The following TMED10 variants were observed in gnomAD, a reference collection of about 807,000 sequenced individuals.
TMED10 encodes the protein transmembrane emp24 domain-containing protein 10.
A neutral mutation model predicts 23.1 loss-of-function variants in TMED10; 7 were observed. The ratio of observed to expected loss-of-function variants is 0.30; its 90% CI spans 0.17 to 0.57. The LOEUF (loss-of-function observed/expected upper bound fraction) is 0.57, where lower values mean the gene tolerates loss of function less well. Ranked by LOEUF, TMED10 falls within the 20% of genes least tolerant of loss-of-function variation. The probability of loss-of-function intolerance (pLI) is 0.91; values close to 1 mark genes in which losing one functional copy is unlikely to be tolerated. For synonymous variants in TMED10, 113 were observed against 106.9 expected, an observed-to-expected ratio of 1.06 and a Z score of -0.35; for missense variants, 162 against 274.8, an observed-to-expected ratio of 0.59 and a Z score of 2.90.
chr14:75,164,577 AT>A lies in TMED10; in HGVS notation c.225+11777del, dbSNP rs60845992. The stretch of plus-strand genomic sequence containing the variant: ...TATATATATATATATATATATATAT[AT>A]TTTTTTTTTTTTTTTTGTATTTTTA... On this transcript the variant is annotated intron_variant, in intron 1 of 4. Transcript: ENST00000303575. 6.4e-4 allele frequency among the ~76,000 whole-genome samples: 29 copies of A among 45,084 alleles called. 1 individual carries two copies. Among genetic ancestry groups the A allele is most frequent in the African/African-American group, 4.3e-3 (20 of 4,598 alleles). The allele number at this position is 45,084 out of a possible 152,430, so 29.6% of individuals were successfully genotyped here. A position where few individuals can be genotyped will look rare whatever the true frequency, so the allele number is the denominator to read the frequency against.
At chr14:75,146,915 A>ATAGATAGG (rs1420517886) in intron 3 of TMED10, among the ~76,000 whole-genome samples, 1 of 151,786 alleles carries the variant, frequency 6.6e-6, no homozygotes, top group Admixed American at 6.6e-5. Flanking sequence ...CCCCAGATAG[A>ATAGATAGG]TAGATAGATA....
Position 75,132,388 on chromosome 14 carries a change from C to G in TMED10, c.*2497G>C, listed in dbSNP as rs1384932342. 3.4e-5 allele frequency: 4 copies of G among 116,142 alleles called. No individual in the cohort carries two copies. Among genetic ancestry groups the G allele is most frequent in the Non-Finnish European group, 5.7e-5 (3 of 52,308 alleles). 7.2% of individuals were successfully genotyped at this position (116,142 alleles called of 1,614,324 possible). A position where few individuals can be genotyped will look rare whatever the true frequency, so the allele number is the denominator to read the frequency against. ...GGGCGTTGCAGCAAGACTCCGTCCC[C>G]CCCCCCCCAAAAAAAAAAAAGTTTA... On this transcript the variant is annotated 3_prime_UTR_variant, in exon 5 of 5. Transcript: ENST00000303575.
At position 75,138,812 on chromosome 14, in the gene TMED10, C is replaced by CTTTT. The variant is rs59707221; in HGVS notation, c.412-2930_412-2927dup. On this transcript the variant is annotated intron_variant, in intron 3 of 4. Transcript: ENST00000303575. The stretch of plus-strand genomic sequence containing the variant: ...CTACTGAATCCCACAGCCTTTGCTT[C>CTTTT]TTTTTTTTTTTTTTTTTTTTATTTT... 2.6e-3 allele frequency among the ~76,000 whole-genome samples: 245 copies of CTTTT among 94,944 alleles called. 1 individual carries two copies. The highest frequency in any genetic ancestry group is 3.3e-3 in the African/African-American group (91 of 27,608). 62.3% of individuals were successfully genotyped at this position (94,944 alleles called of 152,430 possible). A position where few individuals can be genotyped will look rare whatever the true frequency, so the allele number is the denominator to read the frequency against.
At chr14:75,172,191 G>C (rs1896242353) in intron 1 of TMED10, among the ~76,000 whole-genome samples, 1 of 152,184 alleles carries the variant, frequency 6.6e-6, no homozygotes, top group South Asian at 2.1e-4. Flanking sequence ...AAGGAGGTGA[G>C]AGGAAGAGGA....
intron 1 of TMED10, chr14:75,176,008 C>T: frequency 3.0e-6 from 1 of 332,336 alleles, no homozygotes; most frequent in South Asian, 3.0e-5. Flanking sequence ...GATGCCAATC[C>T]GTATAAATAT....
chr14:75,152,739 A>T (rs944399183), intron 1 of TMED10, among the ~76,000 whole-genome samples: 8 of 152,314 alleles, frequency 5.3e-5, no homozygotes, highest in Non-Finnish European at 1.0e-4. Flanking sequence ...CAGGAAACAA[A>T]AAAGAAGTTT....
At chr14:75,167,897 G>C (rs914062981) in intron 1 of TMED10, among the ~76,000 whole-genome samples, 1 of 152,112 alleles carries the variant, frequency 6.6e-6, no homozygotes. Flanking sequence ...TGAAGTAATG[G>C]AGGAAACTTC....
intron 1 of TMED10, among the ~76,000 whole-genome samples, chr14:75,160,314 G>A (rs1896070928): frequency 6.6e-6 from 1 of 152,074 alleles, no homozygotes; most frequent in South Asian, 2.1e-4. Flanking sequence ...ACATAAACCA[G>A]GTAGCTAAAA....
chr14:75,172,857 A>T (rs1896251245), intron 1 of TMED10, among the ~76,000 whole-genome samples: 1 of 152,210 alleles, frequency 6.6e-6, no homozygotes, highest in Non-Finnish European at 1.5e-5. Flanking sequence ...ACTGAAAACA[A>T]ATCAATGCCC....
chr14:75,162,610 G>T (rs1345686787), intron 1 of TMED10, among the ~76,000 whole-genome samples: 1 of 151,778 alleles, frequency 6.6e-6, no homozygotes, highest in African/African-American at 2.4e-5. Flanking sequence ...ATAGAAAGGG[G>T]GAAAAAAGAG....
At chr14:75,154,573 AT>A (rs1895999280) in intron 1 of TMED10, among the ~76,000 whole-genome samples, 1 of 152,082 alleles carries the variant, frequency 6.6e-6, no homozygotes, top group Admixed American at 6.6e-5. Flanking sequence ...TTTATGGCAC[AT>A]CTTCTAAATT....
intron 1 of TMED10, among the ~76,000 whole-genome samples, chr14:75,172,594 C>T (rs1896248249): frequency 6.6e-6 from 1 of 152,112 alleles, no homozygotes; most frequent in Non-Finnish European, 1.5e-5. Context: ...AGGCATGAGC[C>T]ACCGCGCCTG....
rs1896129168 is a variant in TMED10 at position 75,164,552 on chromosome 14, TA to T, written c.225+11802del. ...GGCCTAATATATATATATATATATA[TA>T]TATATATATATATATATATATATAT... On this transcript the variant is annotated intron_variant, in intron 1 of 4. Transcript: ENST00000303575. Among the ~76,000 whole-genome samples, 10 of 4,842 alleles carry T rather than the reference TA, an allele frequency of 2.1e-3. 1 individual carries two copies. The highest frequency in any genetic ancestry group is 9.1e-3 in the East Asian group (1 of 110). 3.2% of individuals were successfully genotyped at this position (4,842 alleles called of 152,430 possible). A position where few individuals can be genotyped will look rare whatever the true frequency, so the allele number is the denominator to read the frequency against.
intron 1 of TMED10, among the ~76,000 whole-genome samples, chr14:75,172,427 C>T (rs1205224131): frequency 6.6e-6 from 1 of 151,944 alleles, no homozygotes; most frequent in Non-Finnish European, 1.5e-5. Context: ...CCTGCCTCAG[C>T]CTAGAGCAGC....
chr14:75,151,982 T>A (rs1286696439), intron 2 of TMED10, 50 bp downstream of exon 2: 3 of 1,476,034 alleles, frequency 2.0e-6, no homozygotes, highest in Non-Finnish European at 2.8e-6. Context: ...TTAAGGAGCA[T>A]TAGAGTTGGA....
At chr14:75,141,879 A>T (rs534179538) in intron 3 of TMED10, among the ~76,000 whole-genome samples, 7 of 152,332 alleles carry the variant, frequency 4.6e-5, no homozygotes, top group Non-Finnish European at 8.8e-5. Flanking sequence ...CAACAGAGTA[A>T]AATTTTAAAA....
At chr14:75,176,311 G>A in intron 1 of TMED10, 44 bp downstream of exon 1, 1 of 1,609,316 alleles carries the variant, frequency 6.2e-7, no homozygotes, top group Non-Finnish European at 8.5e-7. Flanking sequence ...CCTCGCCTAA[G>A]CCTGCCGTCT....
At chr14:75,169,790 C>T (rs1229288652) in intron 1 of TMED10, among the ~76,000 whole-genome samples, 3 of 152,154 alleles carry the variant, frequency 2.0e-5, no homozygotes, top group African/African-American at 7.2e-5. Flanking sequence ...GGAAATATGA[C>T]CAAAGACAAG....
intron 3 of TMED10, among the ~76,000 whole-genome samples, chr14:75,138,035 T>G (rs77886358): frequency 0.022 from 3,338 of 152,256 alleles, 80 homozygotes; most frequent in African/African-American, 0.055. Context: ...TATATCTGCT[T>G]CTTTACTCCC....
Sources: allele counts gnomAD v4.1 joint callset (sites outside exome capture counted in the v4.1 genomes callset), GRCh38; gene constraint gnomAD v4.1.1; transcripts MANE v1.5; gene names NCBI Gene and HGNC (gene_info 2026-07-23, HGNC 2026-07-21).